GALNT17: variants seen among roughly 807,000 people sequenced by gnomAD.
GALNT17 encodes UDP-GalNAc:polypeptide N-acetylgalactosaminyltransferase-like 3.
A neutral mutation model predicts 63.7 loss-of-function variants in GALNT17; 29 were observed. The ratio of observed to expected loss-of-function variants is 0.46; its 90% confidence interval spans 0.34 to 0.62. The LOEUF (loss-of-function observed/expected upper bound fraction) is 0.62. Among genes scored for constraint, GALNT17 ranks in the 20% least tolerant of loss-of-function variants. The pLI is 0.01. For missense variants in GALNT17, 603 were observed against 799.6 expected, an observed-to-expected ratio of 0.75 and a Z score of 2.97; for synonymous variants, 305 against 318.3, an observed-to-expected ratio of 0.96 and a Z score of 0.45.
intron 5 of GALNT17, among the ~76,000 whole-genome samples, chr7:71,530,389 C>T (rs955017127): frequency 5.3e-5 from 8 of 152,072 alleles, no homozygotes; most frequent in Non-Finnish European, 8.8e-5. Flanking sequence ...TTTTAAAGGA[C>T]GAATGTTAGG....
At chr7:71,394,466 A>G (rs190742734) in intron 3 of GALNT17, among the ~76,000 whole-genome samples, 3 of 152,296 alleles carry the variant, frequency 2.0e-5, no homozygotes, top group East Asian at 1.9e-4. Context: ...GATTCTCAGC[A>G]TCAGGACACA....
At chr7:71,184,689 G>A (rs1788798641) in intron 1 of GALNT17, among the ~76,000 whole-genome samples, 1 of 152,070 alleles carries the variant, frequency 6.6e-6, no homozygotes, top group Non-Finnish European at 1.5e-5. Flanking sequence ...GCCCTTCTTG[G>A]GTTTACTGTA....
At position 71,478,483 on chromosome 7, in the gene GALNT17, T is replaced by C. The variant is rs547563473; in HGVS notation, c.962+57378T>C. Among the ~76,000 whole-genome samples the C allele has an allele frequency of 1.1e-3, 172 of 152,160 alleles. 6 individuals are homozygous for C. In the South Asian group the frequency reaches 0.035, roughly 31 times the overall value. ...CGTGCCCCACCATGCCCGGCTAATT[T>C]TTGAATTTTTCTATAGCAATGGGGT... On this transcript the variant is annotated intron_variant, in intron 5 of 10. Coordinates refer to ENST00000333538, the MANE Select transcript of GALNT17 (RefSeq NM_022479.3).
chr7:71,306,580 G>A lies in GALNT17; in HGVS notation c.239-28970G>A, dbSNP rs185386438. Among the ~76,000 whole-genome samples, 145 of 152,288 alleles carry A rather than the reference G, an allele frequency of 9.5e-4. 1 individual carries two copies. The highest frequency in any genetic ancestry group is 1.5e-3 in the Non-Finnish European group (102 of 68,034). On this transcript the variant is annotated intron_variant, in intron 1 of 10. Coordinates refer to ENST00000333538, the MANE Select transcript of GALNT17 (RefSeq NM_022479.3). ...GTGTTAGGATTTCCTTCCTTTTGAAGGCTGAATAATAATCCATTGTATGTT... is the reference window on the plus strand; with the variant it reads ...GTGTTAGGATTTCCTTCCTTTTGAAAGCTGAATAATAATCCATTGTATGTT...
intron 3 of GALNT17, among the ~76,000 whole-genome samples, chr7:71,394,305 A>G (rs2960872): frequency 0.011 from 1,685 of 152,232 alleles, 31 homozygotes; most frequent in African/African-American, 0.039. Flanking sequence ...ACTGAATTCC[A>G]TAAGAATGGC....
chr7:71,455,351 C>T (rs1223566323), intron 5 of GALNT17, among the ~76,000 whole-genome samples: 2 of 151,988 alleles, frequency 1.3e-5, no homozygotes, highest in East Asian at 3.9e-4. Context: ...GAGGTGTGTT[C>T]AACCTCCCAT....
At chr7:71,204,075 T>G (rs916186239) in intron 1 of GALNT17, among the ~76,000 whole-genome samples, 14 of 152,258 alleles carry the variant, frequency 9.2e-5, no homozygotes, top group African/African-American at 3.1e-4. Context: ...TTGAGTTGAT[T>G]TTAGTATATG....
intron 6 of GALNT17, among the ~76,000 whole-genome samples, chr7:71,582,754 G>A (rs1465626297): frequency 2.0e-5 from 3 of 152,114 alleles, no homozygotes; most frequent in African/African-American, 4.8e-5. Flanking sequence ...CTCATAAGTG[G>A]GAGCTAAGCT....
At chr7:71,268,083 G>C (rs1790523123) in intron 1 of GALNT17, among the ~76,000 whole-genome samples, 2 of 152,186 alleles carry the variant, frequency 1.3e-5, no homozygotes, top group Admixed American at 1.3e-4. Context: ...CCTACCAAGG[G>C]ATTCACAAGA....
intron 2 of GALNT17, among the ~76,000 whole-genome samples, chr7:71,371,830 T>C (rs995510446): frequency 5.9e-5 from 9 of 152,362 alleles, no homozygotes; most frequent in African/African-American, 2.2e-4. Flanking sequence ...ACACCATTTA[T>C]TGAATGATTC....
chr7:71,285,226 A>G (rs540760010), intron 1 of GALNT17, among the ~76,000 whole-genome samples: 4 of 152,184 alleles, frequency 2.6e-5, no homozygotes, highest in Non-Finnish European at 5.9e-5. Context: ...ATATTATTTG[A>G]CTACCTCTTT....
At chr7:71,394,369 A>G (rs1012656163) in intron 3 of GALNT17, among the ~76,000 whole-genome samples, 14 of 152,270 alleles carry the variant, frequency 9.2e-5, no homozygotes, top group African/African-American at 3.1e-4. Flanking sequence ...CCCACCTTCA[A>G]TATTAGGGAT....
At chr7:71,271,917 G>A (rs1180384510) in intron 1 of GALNT17, among the ~76,000 whole-genome samples, 1 of 152,122 alleles carries the variant, frequency 6.6e-6, no homozygotes, top group African/African-American at 2.4e-5. Context: ...GTGCCACCAT[G>A]CCCAGCTAAT....
chr7:71,172,413 C>T (rs967920201), intron 1 of GALNT17, among the ~76,000 whole-genome samples: 2 of 150,048 alleles, frequency 1.3e-5, no homozygotes, highest in Admixed American at 1.3e-4. Context: ...GTTATGATCT[C>T]ACCACCACTG....
chr7:71,542,463 G>A (rs1389669282), intron 5 of GALNT17, among the ~76,000 whole-genome samples: 7 of 151,996 alleles, frequency 4.6e-5, no homozygotes, highest in African/African-American at 1.7e-4. Context: ...TTGGGAGGCC[G>A]AGGCGGGCAG....
At chr7:71,210,574 A>G (rs1789357374) in intron 1 of GALNT17, among the ~76,000 whole-genome samples, 1 of 152,234 alleles carries the variant, frequency 6.6e-6, no homozygotes. Context: ...ATTATAATTT[A>G]ACTAATAAGT....
At chr7:71,711,772 G>A (rs12530863) in intron 10 of GALNT17, among the ~76,000 whole-genome samples, 30 of 136,204 alleles carry the variant, frequency 2.2e-4, no homozygotes, top group Admixed American at 1.0e-3. Context: ...TCTTTGTCTC[G>A]TTCTCTCTCC....
At chr7:71,438,717 A>G (rs1405622864) in intron 5 of GALNT17, among the ~76,000 whole-genome samples, 2 of 152,168 alleles carry the variant, frequency 1.3e-5, no homozygotes, top group Non-Finnish European at 2.9e-5. Context: ...TATTAGAGCA[A>G]TTCTCTATTC....
Position 71,132,510 on chromosome 7 carries a change from C to A in GALNT17, c.-293C>A, listed in dbSNP as rs918886281. On this transcript the variant is annotated 5_prime_UTR_variant, in exon 1 of 11. Transcript: ENST00000333538. ...GGTGCAGAAGAGAAACCCTCAAATC[C>A]CTGGCCTTTCGCGGAGACGCCTGGA... 2.1e-5 allele frequency: 8 copies of A among 386,512 alleles called. 1 individual carries two copies. The highest frequency in any genetic ancestry group is 3.7e-5 in the Non-Finnish European group (8 of 215,430). 23.9% of individuals were successfully genotyped at this position (386,512 alleles called of 1,614,324 possible). A position where few individuals can be genotyped will look rare whatever the true frequency, so the allele number is the denominator to read the frequency against.
Sources: allele counts gnomAD v4.1 joint callset (sites outside exome capture counted in the v4.1 genomes callset), GRCh38; gene constraint gnomAD v4.1.1; transcripts MANE v1.5; gene names NCBI Gene and HGNC (gene_info 2026-07-23, HGNC 2026-07-21).